DENND1A: variants seen among roughly 807,000 people sequenced by gnomAD.
DENND1A encodes the protein DENN domain containing 1A.
In DENND1A, 51 loss-of-function variants were observed where a neutral mutation model predicts 113.7. The observed-to-expected ratio is 0.45, with a 90% CI of 0.36 to 0.57. The LOEUF (loss-of-function observed/expected upper bound fraction) is 0.57, where lower values mean the gene tolerates loss of function less well. Ranked by LOEUF, DENND1A falls within the 20% of genes least tolerant of loss-of-function variation. DENND1A has a pLI of 0.00. For missense variants in DENND1A, 1,258 were observed against 1,395.9 expected (o/e 0.90, Z 1.57); for synonymous variants, 565 against 570.8 (o/e 0.99, Z 0.14).
At chr9:123,801,641 C>T (rs1401589412) in intron 2 of DENND1A, among the ~76,000 whole-genome samples, 1 of 152,186 alleles carries the variant, frequency 6.6e-6, no homozygotes, top group East Asian at 1.9e-4. Flanking sequence ...TATATATCCA[C>T]AAGTCAAATT....
intron 19 of DENND1A, among the ~76,000 whole-genome samples, chr9:123,421,885 C>T (rs991538991): frequency 2.0e-5 from 3 of 152,182 alleles, no homozygotes; most frequent in Non-Finnish European, 4.4e-5. Flanking sequence ...CTGGCCCTGC[C>T]CCCGATAAAC....
chr9:123,403,589 G>A (rs543552005), intron 20 of DENND1A, 99 bp from the exon 21 acceptor site: 43 of 1,118,974 alleles, frequency 3.8e-5, no homozygotes, highest in South Asian at 1.3e-4. Flanking sequence ...CCCAAAAAAC[G>A]TTTAGGGATT....
At chr9:123,857,343 G>A (rs1478894556) in intron 2 of DENND1A, among the ~76,000 whole-genome samples, 1 of 152,122 alleles carries the variant, frequency 6.6e-6, no homozygotes, top group Non-Finnish European at 1.5e-5. Flanking sequence ...CAAATAATTT[G>A]AACAATTCAG....
chr9:123,424,996 G>A (rs2045601746), intron 19 of DENND1A, among the ~76,000 whole-genome samples: 1 of 152,200 alleles, frequency 6.6e-6, no homozygotes, highest in South Asian at 2.1e-4. Context: ...CTCTGCCAGG[G>A]CTAGGGACTG....
chr9:123,878,967 T>C lies in DENND1A; in HGVS notation c.72A>G (p.Thr24=), dbSNP rs1446855270. 1.2e-6 allele frequency: 2 copies of C among 1,614,018 alleles called. No individual in the cohort carries two copies. Among genetic ancestry groups the C allele is most frequent in the Admixed American group, 1.7e-5 (1 of 60,018 alleles). ...EVYVEVAYPR[T]GGTLSDPEVQ... ...GCAAAGTACCTGAAAGAGTGCCACCTGTCCTGGGATAGGCCACTTCAACAT... is the reference window on the plus strand; with the variant it reads ...GCAAAGTACCTGAAAGAGTGCCACCCGTCCTGGGATAGGCCACTTCAACAT... Residue 24 remains threonine (T), a synonymous_variant, in exon 2 of 24, where the codon ACA becomes ACG. Coordinates refer to ENST00000394215, the MANE Select transcript of DENND1A (RefSeq NM_001352964.2).
intron 5 of DENND1A, among the ~76,000 whole-genome samples, chr9:123,677,144 C>G (rs1233446918): frequency 6.6e-6 from 1 of 152,026 alleles, no homozygotes; most frequent in East Asian, 1.9e-4. Flanking sequence ...TATTCAGTTT[C>G]TCATGATGGG....
rs1336575128 is a variant in DENND1A at position 123,906,762 on chromosome 9, C to T, written c.17+23127G>A. Reference sequence around the variant, plus strand: ...GTCCAGGACCAGATGGATTCACAGCCGAATTCTACCAGAGGTACAAGGAGG... The same window carrying T: ...GTCCAGGACCAGATGGATTCACAGCTGAATTCTACCAGAGGTACAAGGAGG... On this transcript the variant is annotated intron_variant, in intron 1 of 23. Coordinates refer to ENST00000394215, the MANE Select transcript of DENND1A (RefSeq NM_001352964.2). Among the ~76,000 whole-genome samples the T allele has an allele frequency of 2.3e-4, 12 of 52,040 alleles. No homozygotes were observed. The East Asian group carries it at 2.6e-3, about 11-fold the overall frequency. The allele number at this position is 52,040 out of a possible 152,430, so 34.1% of individuals were successfully genotyped here.
At chr9:123,802,060 G>C (rs1243971400) in intron 2 of DENND1A, among the ~76,000 whole-genome samples, 1 of 152,108 alleles carries the variant, frequency 6.6e-6, no homozygotes, top group Non-Finnish European at 1.5e-5. Context: ...GTTGCCACAG[G>C]AACAGCAAAA....
At chr9:123,737,983 C>T (rs1158363796) in intron 5 of DENND1A, among the ~76,000 whole-genome samples, 1 of 151,994 alleles carries the variant, frequency 6.6e-6, no homozygotes, top group Non-Finnish European at 1.5e-5. Context: ...TTAAAAGAGC[C>T]CACTAGTTTG....
chr9:123,604,027 G>C (rs554312867), intron 11 of DENND1A, among the ~76,000 whole-genome samples: 1 of 152,156 alleles, frequency 6.6e-6, no homozygotes, highest in African/African-American at 2.4e-5. Flanking sequence ...AGAAGGAGAA[G>C]GCCTGACCAT....
intron 13 of DENND1A, among the ~76,000 whole-genome samples, chr9:123,536,330 C>T (rs796857885): frequency 2.0e-5 from 3 of 152,046 alleles, no homozygotes; most frequent in African/African-American, 2.4e-5. Flanking sequence ...ATTAGCCGGG[C>T]GTGGTGGCAC....
intron 1 of DENND1A, among the ~76,000 whole-genome samples, chr9:123,902,549 CA>C (rs1331734517): frequency 6.6e-6 from 1 of 152,024 alleles, no homozygotes; most frequent in Non-Finnish European, 1.5e-5. Flanking sequence ...CCACCTGTGG[CA>C]AAACAGCAAA....
At chr9:123,558,383 A>G (rs1211844538) in intron 12 of DENND1A, among the ~76,000 whole-genome samples, 2 of 152,240 alleles carry the variant, frequency 1.3e-5, no homozygotes, top group South Asian at 2.1e-4. Context: ...CTCTAAAGGA[A>G]GTGTGGCAGC....
At chr9:123,576,238 C>A (rs1331547148) in intron 12 of DENND1A, among the ~76,000 whole-genome samples, 2 of 152,186 alleles carry the variant, frequency 1.3e-5, no homozygotes, top group East Asian at 3.8e-4. Context: ...CTATTCTCCA[C>A]CCCCTACTGG....
chr9:123,907,646 G>A (rs1240615499), intron 1 of DENND1A, among the ~76,000 whole-genome samples: 1 of 150,208 alleles, frequency 6.7e-6, no homozygotes, highest in Non-Finnish European at 1.5e-5. Context: ...CAAGGGATGT[G>A]AAGGACCTCT....
intron 2 of DENND1A, among the ~76,000 whole-genome samples, chr9:123,861,482 T>C (rs1845043393): frequency 6.6e-6 from 1 of 152,190 alleles, no homozygotes; most frequent in Non-Finnish European, 1.5e-5. Context: ...TTTGGGGCTG[T>C]ATTTACATGG....
chr9:123,698,846 G>A (rs938615957), intron 5 of DENND1A, among the ~76,000 whole-genome samples: 1 of 152,204 alleles, frequency 6.6e-6, no homozygotes, highest in African/African-American at 2.4e-5. Context: ...AGTGAAGATG[G>A]ATCAAACATA....
intron 3 of DENND1A, among the ~76,000 whole-genome samples, chr9:123,769,787 G>T (rs1829433899): frequency 6.6e-6 from 1 of 152,100 alleles, no homozygotes; most frequent in Non-Finnish European, 1.5e-5. Flanking sequence ...AATCACACAT[G>T]GGCAAGCAGC....
At chr9:123,701,306 T>G (rs1340700544) in intron 5 of DENND1A, among the ~76,000 whole-genome samples, 1 of 152,202 alleles carries the variant, frequency 6.6e-6, no homozygotes, top group Non-Finnish European at 1.5e-5. Flanking sequence ...CAGATCATAG[T>G]GCCTGGTTAT....
Sources: allele counts gnomAD v4.1 joint callset (sites outside exome capture counted in the v4.1 genomes callset), GRCh38; gene constraint gnomAD v4.1.1; transcripts MANE v1.5; gene names NCBI Gene and HGNC (gene_info 2026-07-23, HGNC 2026-07-21).